Variants in USP36 observed in about 807,000 individuals in gnomAD.
USP36 encodes ubiquitin carboxyl-terminal hydrolase 36.
Under a neutral mutation model 111.5 loss-of-function variants are expected in USP36, and 59 were observed. The ratio of observed to expected loss-of-function variants is 0.53; its 90% CI spans 0.43 to 0.66. The LOEUF (loss-of-function observed/expected upper bound fraction) is 0.66, where lower values mean the gene tolerates loss of function less well. USP36 is among the 30% of genes least tolerant of loss of function. The pLI is 0.00. For synonymous variants in USP36, 628 were observed against 581.0 expected (o/e 1.08, Z -1.16); for missense variants, 1,488 against 1,468.0 (o/e 1.01, Z -0.22).
At chr17:78,811,253 C>T (rs2094047958) in intron 13 of USP36, among the ~76,000 whole-genome samples, 1 of 150,168 alleles carries the variant, frequency 6.7e-6, no homozygotes, top group Non-Finnish European at 1.5e-5. Context: ...GAATTCTTAA[C>T]AGTTCTAGCA....
chr17:78,798,520 TTCTC>T lies in USP36; in HGVS notation c.3268_3271del (p.Glu1090ArgfsTer20). ...CTGGAAGGCGTTGAAGTTTCTCCTC[TTCTC>T]TCTCTTAAATTTTTTAATTTTCTTT... On this transcript the variant is annotated frameshift_variant, in exon 20 of 21. Transcript: ENST00000449938. LOFTEE classifies it high-confidence loss of function. The surrounding 1 kb of genome is among the most constrained non-coding windows in gnomAD (Gnocchi z 5.1). The T allele has an allele frequency of 1.9e-6, 3 of 1,614,090 alleles. No individual in the cohort carries two copies. The highest frequency in any genetic ancestry group is 2.5e-6 in the Non-Finnish European group (3 of 1,180,020).
intron 13 of USP36, among the ~76,000 whole-genome samples, chr17:78,812,195 A>G (rs1479165340): frequency 1.3e-5 from 2 of 152,176 alleles, no homozygotes; most frequent in African/African-American, 4.8e-5. Context: ...TCCAAAAAAA[A>G]AAGTTTGCTT....
At chr17:78,840,194 G>A (rs1480588089) in intron 1 of USP36, 1 of 152,244 alleles carries the variant, frequency 6.6e-6, no homozygotes, top group Non-Finnish European at 1.5e-5. Flanking sequence ...CCCCTCTCGT[G>A]TGTCTGGGTT....
At chr17:78,839,994 T>C (rs1303581979) in intron 1 of USP36, among the ~76,000 whole-genome samples, 7 of 152,182 alleles carry the variant, frequency 4.6e-5, no homozygotes, top group African/African-American at 1.7e-4. Context: ...GCTCGCAGGG[T>C]CAACCACGTG....
chr17:78,838,412 A>G (rs1163039449), intron 2 of USP36, among the ~76,000 whole-genome samples, 175 bp downstream of exon 2: 2 of 151,852 alleles, frequency 1.3e-5, no homozygotes, highest in African/African-American at 2.4e-5. Context: ...TTCTGTAAAG[A>G]AATTTCAGAA....
chr17:78,808,284 C>T (rs1186380392), intron 13 of USP36, among the ~76,000 whole-genome samples: 2 of 152,124 alleles, frequency 1.3e-5, no homozygotes, highest in African/African-American at 2.4e-5. Context: ...GCTCTGTTGC[C>T]CAGGCTGGAG....
Position 78,835,292 on chromosome 17 carries a change from G to A in USP36, c.463C>T (p.His155Tyr). 1 of 1,614,182 alleles carries A rather than the reference G, an allele frequency of 6.2e-7. No individual in the cohort carries two copies. Among genetic ancestry groups the A allele is most frequent in the Non-Finnish European group, 8.5e-7 (1 of 1,180,028 alleles). Residue 155 changes from histidine to tyrosine, a missense_variant, in exon 4 of 21, where the codon CAT becomes TAT. Transcript: ENST00000449938. ...AACCCACACTCACAGCTGCGAGCAT[G>A]CTCCTTGGAGAGCAGGTAGTTGGCT... is the stretch of plus-strand genomic sequence containing the variant. ...PLANYLLSKE[H>Y]ARSCHQGSFC...
intron 17 of USP36, 47 bp from the exon 18 acceptor site, chr17:78,799,815 C>T (rs2093695632): frequency 1.4e-6 from 2 of 1,457,276 alleles, no homozygotes; most frequent in Middle Eastern, 1.7e-4. Flanking sequence ...TTAAAATAAC[C>T]CACTGGGGAA....
At chr17:78,814,690 C>G (rs147938729) in intron 10 of USP36, 138 bp from the exon 11 acceptor site, 3 of 1,054,080 alleles carry the variant, frequency 2.8e-6, no homozygotes, top group Non-Finnish European at 4.0e-6. Flanking sequence ...CAGTGGCTCA[C>G]GCCTGTAATC....
intron 13 of USP36, among the ~76,000 whole-genome samples, chr17:78,811,342 C>T (rs574272956): frequency 4.6e-5 from 7 of 152,080 alleles, no homozygotes; most frequent in Admixed American, 2.0e-4. Flanking sequence ...CCTTTATCAT[C>T]CTCTCTCTGT....
chr17:78,807,497 G>C lies in USP36; in HGVS notation c.1547C>G (p.Pro516Arg), dbSNP rs1272755857. Residue 516 changes from proline to arginine, a missense_variant, in exon 14 of 21, where the codon CCC (proline) becomes CGC (arginine). By Grantham distance (103) the Pro-to-Arg change is moderately radical. Coordinates refer to ENST00000449938, the MANE Select transcript of USP36 (RefSeq NM_001385174.1). Reference protein sequence around the residue: ...PPKLPSGSPSPKLSQTPTHMP... With the variant: ...PPKLPSGSPSRKLSQTPTHMP... ...GTGTGTGGGTGTCTGGGAGAGTTTG[G>C]GGGAAGGGGACCCCGAGGGCAGCTT... 3 of 1,614,002 alleles carry C rather than the reference G, an allele frequency of 1.9e-6. No individual in the cohort carries two copies. Among genetic ancestry groups the C allele is most frequent in the Non-Finnish European group, 2.5e-6 (3 of 1,179,932 alleles).
In USP36 at chr17:78,812,933, CG is replaced by C. The variant is rs767912712; in HGVS notation, c.1333del (p.Arg445AlafsTer4). On this transcript the variant is annotated frameshift_variant, in exon 13 of 21. Transcript: ENST00000449938. LOFTEE classifies it high-confidence loss of function. Reference sequence around the variant, plus strand: ...GGAGTGATCTGGAATCACACTCGGGCGGCCGGGAAGGGAGGAGGAGCCTGTC... The same window carrying C: ...GGAGTGATCTGGAATCACACTCGGGCGCCGGGAAGGGAGGAGGAGCCTGTC... ...SRTGSSSLPG[R>X]PSVIPDHSKK... 1 of 1,613,840 alleles carries C rather than the reference CG, an allele frequency of 6.2e-7. No individual in the cohort carries two copies. The highest frequency in any genetic ancestry group is 8.5e-7 in the Non-Finnish European group (1 of 1,179,972).
intron 4 of USP36, 105 bp downstream of exon 4, chr17:78,835,175 C>T (rs2068544331): frequency 8.5e-7 from 1 of 1,169,650 alleles, no homozygotes. Flanking sequence ...TTATGAACTA[C>T]CCTCCTAAAT....
chr17:78,821,386 G>GAA (rs1599055690), intron 7 of USP36: 3 of 78,372 alleles, frequency 3.8e-5, no homozygotes, highest in Non-Finnish European at 4.7e-5. Flanking sequence ...TTCCTAATGA[G>GAA]AATATATATA....
At chr17:78,818,089 CA>C (rs138866771) in intron 10 of USP36, among the ~76,000 whole-genome samples, 2 of 152,186 alleles carry the variant, frequency 1.3e-5, no homozygotes, top group South Asian at 2.1e-4. Flanking sequence ...TGTCTTAAAA[CA>C]AAATGAAATT....
Position 78,803,272 on chromosome 17 carries a change from A to C in USP36, c.2810+113T>G. ...TCTGATCACAAATCCACATTTTAGA[A>C]AACCACGCAAGCAGACTACGTTTCC... On this transcript the variant is annotated intron_variant, in intron 16 of 20. Coordinates refer to ENST00000449938, the MANE Select transcript of USP36 (RefSeq NM_001385174.1). The surrounding 1 kb of genome is among the most constrained non-coding windows in gnomAD (Gnocchi z 4.6). 8.2e-7 allele frequency: 1 copy of C among 1,220,404 alleles called. No individual in the cohort carries two copies. Among genetic ancestry groups the C allele is most frequent in the Non-Finnish European group, 1.1e-6 (1 of 874,880 alleles). The allele number at this position is 1,220,404 out of a possible 1,614,324, so 75.6% of individuals were successfully genotyped here. A position where few individuals can be genotyped will look rare whatever the true frequency, so the allele number is the denominator to read the frequency against.
At position 78,806,399 on chromosome 17, in the gene USP36, A is replaced by G. The variant is rs2093902459; in HGVS notation, c.2086-113T>C. 6 of 1,435,398 alleles carry G rather than the reference A, an allele frequency of 4.2e-6. No homozygotes were observed. The South Asian group carries it at 5.1e-5, about 12-fold the overall frequency. The allele number at this position is 1,435,398 out of a possible 1,614,324, so 88.9% of individuals were successfully genotyped here. ...AATAAAAACAAAAGAGCCCAGAAAAAAAGATGAGGAGACAGAAGAAGACAA... is the reference window on the plus strand; with the variant it reads ...AATAAAAACAAAAGAGCCCAGAAAAGAAGATGAGGAGACAGAAGAAGACAA... On this transcript the variant is annotated intron_variant, in intron 14 of 20. Coordinates refer to ENST00000449938, the MANE Select transcript of USP36 (RefSeq NM_001385174.1).
rs1040144024 is a variant in USP36, at chr17:78,821,025, T to C, written c.794A>G (p.Tyr265Cys). ...CSVCKSVSDT[Y>C]DPYLDVALEI... ...CAGCGCGACGTCCAAGTAGGGGTCG[T>C]AGGTGTCCGAGACGCTCTTGCACAC... The change falls in exon 8 of 21, where the codon TAC becomes TGC. Residue 265 changes from tyrosine to cysteine, a missense_variant. Around this residue, in one of 3 missense-constraint regions of USP36, gnomAD observed 196 missense variants for 264.4 expected, o/e 0.74. Coordinates refer to ENST00000449938, the MANE Select transcript of USP36 (RefSeq NM_001385174.1). 4.4e-6 allele frequency: 7 copies of C among 1,608,622 alleles called. No individual in the cohort carries two copies. The highest frequency in any genetic ancestry group is 2.2e-5 in the East Asian group (1 of 44,694).
At chr17:78,814,027 A>G (rs1479035337) in intron 11 of USP36, among the ~76,000 whole-genome samples, 154 bp from the exon 12 acceptor site, 1 of 152,178 alleles carries the variant, frequency 6.6e-6, no homozygotes, top group East Asian at 1.9e-4. Flanking sequence ...AACGTGTAAT[A>G]TTTTCATAAC....
Sources: allele counts gnomAD v4.1 joint callset (sites outside exome capture counted in the v4.1 genomes callset), GRCh38; gene constraint gnomAD v4.1.1; regional missense constraint gnomAD v4.1.1; non-coding constraint Gnocchi (gnomAD v3.1); transcripts MANE v1.5; gene names NCBI Gene and HGNC (gene_info 2026-07-23, HGNC 2026-07-21).